The following SMYD3 variants were observed in gnomAD, a reference collection of about 807,000 sequenced individuals.
The protein encoded by SMYD3 is histone-lysine N-methyltransferase SMYD3.
A neutral mutation model predicts 57.7 loss-of-function variants in SMYD3; 36 were observed. That is an observed-to-expected ratio of 0.62 (90% CI 0.48 to 0.82). The LOEUF (loss-of-function observed/expected upper bound fraction) is 0.82. Among genes scored for constraint, SMYD3 ranks in the 40% least tolerant of loss-of-function variants. The pLI is 0.00. For missense variants in SMYD3, 515 were observed against 538.8 expected, an observed-to-expected ratio of 0.96 and a Z score of 0.44; for synonymous variants, 211 against 195.0, an observed-to-expected ratio of 1.08 and a Z score of -0.68.
chr1:246,012,828 T>C (rs775811913), intron 5 of SMYD3, among the ~76,000 whole-genome samples: 4 of 152,170 alleles, frequency 2.6e-5, no homozygotes, highest in Non-Finnish European at 5.9e-5. Context: ...AGAGAAAGGA[T>C]ACACTACAAG....
chr1:246,248,808 AT>A lies in SMYD3; in HGVS notation c.531+78392del, dbSNP rs1164274725. Reference sequence around the variant, plus strand: ...AGGCGCCCGCCACCATGCCCGGCTAATTTTTTTTTTTTTTTTTTTTTGTATT... The same window carrying A: ...AGGCGCCCGCCACCATGCCCGGCTAATTTTTTTTTTTTTTTTTTTTGTATT... On this transcript the variant is annotated intron_variant, in intron 5 of 11. Transcript: ENST00000490107. 7.7e-3 allele frequency among the ~76,000 whole-genome samples: 694 copies of A among 90,418 alleles called. 7 individuals carry two copies. Among genetic ancestry groups the A allele is most frequent in the African/African-American group, 0.025 (527 of 20,812 alleles). The allele number at this position is 90,418 out of a possible 152,430, so 59.3% of individuals were successfully genotyped here.
At chr1:245,991,201 C>T (rs1297564326) in intron 5 of SMYD3, among the ~76,000 whole-genome samples, 4 of 152,166 alleles carry the variant, frequency 2.6e-5, no homozygotes, top group Admixed American at 6.5e-5. Flanking sequence ...CAGAGCCTCT[C>T]CCACCTGCCA....
chr1:246,001,135 A>G (rs551979000), intron 5 of SMYD3, among the ~76,000 whole-genome samples: 2 of 152,342 alleles, frequency 1.3e-5, no homozygotes, highest in African/African-American at 4.8e-5. Context: ...GCCAACAGAC[A>G]GAACCATATT....
intron 5 of SMYD3, among the ~76,000 whole-genome samples, chr1:246,295,848 A>C (rs993455419): frequency 6.6e-6 from 1 of 152,212 alleles, no homozygotes; most frequent in African/African-American, 2.4e-5. Flanking sequence ...GATGACAGGC[A>C]TGGGACAAGA....
chr1:245,902,836 A>G (rs1486078444), intron 8 of SMYD3, among the ~76,000 whole-genome samples: 2 of 152,248 alleles, frequency 1.3e-5, no homozygotes, highest in Non-Finnish European at 2.9e-5. Context: ...TACTGTAAAT[A>G]TATCTACATG....
chr1:246,299,930 G>A (rs560730310), intron 5 of SMYD3, among the ~76,000 whole-genome samples: 6 of 150,694 alleles, frequency 4.0e-5, no homozygotes, highest in African/African-American at 1.5e-4. Context: ...AACACCTGGT[G>A]ACAAAATAAT....
In SMYD3 at chr1:245,873,161, A is replaced by AG. The variant is rs79861872; in HGVS notation, c.814-9276dup. ...AACTAGCATGATGGGCTGATATACA[A>AG]GGCAGTTAAACACACATGAATACAT... On this transcript the variant is annotated intron_variant, in intron 8 of 11. Coordinates refer to ENST00000490107, the MANE Select transcript of SMYD3 (RefSeq NM_001167740.2). Among the ~76,000 whole-genome samples the AG allele has an allele frequency of 5.0e-3, 767 of 152,322 alleles. 9 individuals are homozygous for AG. Among genetic ancestry groups the AG allele is most frequent in the East Asian group, 0.047 (246 of 5,186 alleles).
intron 5 of SMYD3, among the ~76,000 whole-genome samples, chr1:246,137,858 C>T (rs1041053171): frequency 1.3e-5 from 2 of 152,042 alleles, no homozygotes; most frequent in African/African-American, 4.8e-5. Context: ...AATTCTACTA[C>T]TGAGTTTTGG....
At chr1:246,247,320 C>T (rs1251793148) in intron 5 of SMYD3, among the ~76,000 whole-genome samples, 1 of 143,166 alleles carries the variant, frequency 7.0e-6, no homozygotes, top group Non-Finnish European at 1.5e-5. Flanking sequence ...GCTAAAATCT[C>T]AAGTTCCATT....
chr1:246,254,114 T>C (rs1051160941), intron 5 of SMYD3, among the ~76,000 whole-genome samples: 1 of 152,204 alleles, frequency 6.6e-6, no homozygotes, highest in African/African-American at 2.4e-5. Context: ...GTACACTCTG[T>C]TGATAGTTTC....
At chr1:246,195,588 T>C (rs1305332477) in intron 5 of SMYD3, among the ~76,000 whole-genome samples, 1 of 151,658 alleles carries the variant, frequency 6.6e-6, no homozygotes, top group Non-Finnish European at 1.5e-5. Context: ...TACAAATATA[T>C]ACACACAAAT....
At chr1:245,888,325 T>C (rs1012609009) in intron 8 of SMYD3, among the ~76,000 whole-genome samples, 3 of 152,220 alleles carry the variant, frequency 2.0e-5, no homozygotes, top group Admixed American at 1.3e-4. Flanking sequence ...TGGACAAAGA[T>C]AGTATGTTAA....
chr1:245,861,919 A>G (rs1407569538), intron 9 of SMYD3, among the ~76,000 whole-genome samples: 1 of 152,162 alleles, frequency 6.6e-6, no homozygotes, highest in Non-Finnish European at 1.5e-5. Flanking sequence ...CCAGCAAGGT[A>G]CCCAGCACAC....
intron 3 of SMYD3, among the ~76,000 whole-genome samples, 170 bp downstream of exon 3, chr1:246,335,197 T>C (rs1463999164): frequency 1.3e-5 from 2 of 152,258 alleles, no homozygotes; most frequent in East Asian, 3.8e-4. Context: ...ACATAACTTT[T>C]ATATTTACTG....
rs548857924 is a variant in SMYD3 at position 246,457,704 on chromosome 1, A to T, written c.164+49350T>A. On this transcript the variant is annotated intron_variant, in intron 1 of 11. Transcript: ENST00000490107. ...ACTACATTCACAATCAATATTCTCC[A>T]TCTGTTCACAACTTAGTGCTTTTAT... 2.5e-3 allele frequency among the ~76,000 whole-genome samples: 374 copies of T among 152,274 alleles called. 2 individuals are homozygous for T. The highest frequency in any genetic ancestry group is 8.7e-3 in the African/African-American group (360 of 41,552).
intron 5 of SMYD3, among the ~76,000 whole-genome samples, chr1:246,104,786 T>C (rs182758476): frequency 3.2e-4 from 49 of 152,284 alleles, no homozygotes; most frequent in African/African-American, 1.1e-3. Flanking sequence ...AAAAAAATTA[T>C]AGATACAGTT....
At chr1:245,901,897 G>T (rs576779433) in intron 8 of SMYD3, among the ~76,000 whole-genome samples, 1 of 152,274 alleles carries the variant, frequency 6.6e-6, no homozygotes, top group Non-Finnish European at 1.5e-5. Context: ...AGCCACAGGA[G>T]AGCTGCTCAG....
At chr1:246,277,318 G>A (rs1171133761) in intron 5 of SMYD3, among the ~76,000 whole-genome samples, 1 of 152,166 alleles carries the variant, frequency 6.6e-6, no homozygotes, top group Non-Finnish European at 1.5e-5. Flanking sequence ...TAACGTCCTT[G>A]CACACTGTTA....
intron 5 of SMYD3, among the ~76,000 whole-genome samples, chr1:246,290,912 C>T (rs991584755): frequency 1.6e-4 from 24 of 152,098 alleles, no homozygotes; most frequent in African/African-American, 5.6e-4. Context: ...TAAGCCAGCT[C>T]CTGAGGTTAT....
Sources: gnomAD v4.1 joint callset for allele counts (sites outside exome capture counted in the v4.1 genomes callset) on GRCh38, gnomAD v4.1.1 for gene constraint, MANE v1.5 for transcripts, NCBI Gene and HGNC (gene_info 2026-07-23, HGNC 2026-07-21) for gene names.